Variants in ZCCHC14 observed in about 807,000 individuals in gnomAD.
The protein encoded by ZCCHC14 is zinc finger CCHC domain-containing protein 14.
A neutral mutation model predicts 85.0 loss-of-function variants in ZCCHC14; 16 were observed. That is an observed-to-expected ratio of 0.19 (90% confidence interval 0.13 to 0.29). The LOEUF (loss-of-function observed/expected upper bound fraction) is 0.29, where lower values mean the gene tolerates loss of function less well. Ranked by LOEUF, ZCCHC14 falls within the 10% of genes least tolerant of loss-of-function variation. The pLI is 1.00. For missense variants in ZCCHC14, 1,303 were observed against 1,443.5 expected, an observed-to-expected ratio of 0.90 and a Z score of 1.58; for synonymous variants, 775 against 630.7, an observed-to-expected ratio of 1.23 and a Z score of -3.43.
intron 3 of ZCCHC14, among the ~76,000 whole-genome samples, chr16:87,424,897 C>T (rs1186320446): frequency 6.6e-6 from 1 of 152,080 alleles, no homozygotes. Context: ...GATTTCAAGT[C>T]GGCAAATAAA....
At chr16:87,415,587 G>A (rs2150724206) in intron 8 of ZCCHC14, among the ~76,000 whole-genome samples, 1 of 152,334 alleles carries the variant, frequency 6.6e-6, no homozygotes, top group South Asian at 2.1e-4. Context: ...GAGCAAGAGT[G>A]TCCCCGGCTC....
In ZCCHC14 at chr16:87,420,557, G is replaced by A. The variant is rs1015258843; in HGVS notation, c.950+50C>T. On this transcript the variant is annotated intron_variant, in intron 5 of 12. Coordinates refer to ENST00000671377, the MANE Select transcript of ZCCHC14 (RefSeq NM_015144.3). This position sits in a 1 kb window ranked among gnomAD's most constrained non-coding sequence, Gnocchi z 5.0. Reference sequence around the variant, plus strand: ...GACCACAGCATTGACCACAGGACCAGCCTGTCCTTGCCAGCTGTGGACGCG... The same window carrying A: ...GACCACAGCATTGACCACAGGACCAACCTGTCCTTGCCAGCTGTGGACGCG... 9 of 1,478,966 alleles carry A rather than the reference G, an allele frequency of 6.1e-6. No individual in the cohort carries two copies. Among genetic ancestry groups the A allele is most frequent in the Non-Finnish European group, 8.3e-6 (9 of 1,078,676 alleles). The allele number at this position is 1,478,966 out of a possible 1,614,324, so 91.6% of individuals were successfully genotyped here.
intron 2 of ZCCHC14, among the ~76,000 whole-genome samples, chr16:87,449,138 T>C (rs1037090374): frequency 6.6e-6 from 1 of 152,154 alleles, no homozygotes; most frequent in Non-Finnish European, 1.5e-5. Flanking sequence ...CACACATCCG[T>C]GAGGAAGGCG....
chr16:87,441,366 T>C (rs1375895818), intron 2 of ZCCHC14, among the ~76,000 whole-genome samples: 1 of 152,262 alleles, frequency 6.6e-6, no homozygotes, highest in Non-Finnish European at 1.5e-5. Context: ...ATGCTTCATC[T>C]TTCCCGGTTT....
At chr16:87,469,905 C>T (rs887197853) in intron 1 of ZCCHC14, among the ~76,000 whole-genome samples, 19 of 152,302 alleles carry the variant, frequency 1.2e-4, no homozygotes, top group African/African-American at 4.3e-4. Flanking sequence ...CCTATCTTCT[C>T]AAGTAGAGAC....
intron 2 of ZCCHC14, among the ~76,000 whole-genome samples, chr16:87,443,826 C>T (rs1028647413): frequency 6.6e-6 from 1 of 152,044 alleles, no homozygotes; most frequent in Non-Finnish European, 1.5e-5. Context: ...CACTTGAGAC[C>T]AGGAGTTCAA....
At chr16:87,433,980 C>A (rs992449733) in intron 2 of ZCCHC14, among the ~76,000 whole-genome samples, 180 of 152,200 alleles carry the variant, frequency 1.2e-3, no homozygotes, top group Admixed American at 0.012. Context: ...TCCTTCTCTG[C>A]GAGGGCAAGG....
At chr16:87,490,742 T>C (rs887447314) in intron 1 of ZCCHC14, among the ~76,000 whole-genome samples, 5 of 152,224 alleles carry the variant, frequency 3.3e-5, no homozygotes, top group South Asian at 4.1e-4. Flanking sequence ...TTTCTGTCTG[T>C]TACAGGTAGC....
At chr16:87,438,063 C>T (rs1910014613) in intron 2 of ZCCHC14, among the ~76,000 whole-genome samples, 1 of 152,250 alleles carries the variant, frequency 6.6e-6, no homozygotes, top group Non-Finnish European at 1.5e-5. Context: ...CAGCCTGCCA[C>T]CTATGGAGAA....
chr16:87,451,262 T>C (rs940122464), intron 2 of ZCCHC14, among the ~76,000 whole-genome samples: 7 of 150,856 alleles, frequency 4.6e-5, no homozygotes. Context: ...AATGGCATGA[T>C]CCCAGCTCAC....
Position 87,409,471 on chromosome 16 carries a change from C to T in ZCCHC14, c.*809G>A, listed in dbSNP as rs1331580086. On this transcript the variant is annotated 3_prime_UTR_variant, in exon 13 of 13. Coordinates refer to ENST00000671377, the MANE Select transcript of ZCCHC14 (RefSeq NM_015144.3). The stretch of plus-strand genomic sequence containing the variant: ...CACTGACTGGCTGGGAAGAAAGATA[C>T]TCTCAAAGCTTTGACGACTATGGAT... The T allele has an allele frequency of 6.6e-6, 1 of 152,242 alleles. No individual in the cohort carries two copies. Among genetic ancestry groups the T allele is most frequent in the African/African-American group, 2.4e-5 (1 of 41,454 alleles). The allele number at this position is 152,242 out of a possible 1,614,324, so 9.4% of individuals were successfully genotyped here.
At chr16:87,435,067 T>C (rs1173295313) in intron 2 of ZCCHC14, among the ~76,000 whole-genome samples, 1 of 151,088 alleles carries the variant, frequency 6.6e-6, no homozygotes, top group East Asian at 1.9e-4. Flanking sequence ...ACTGTCAATG[T>C]ACATTAGGAT....
intron 2 of ZCCHC14, among the ~76,000 whole-genome samples, chr16:87,445,227 C>A (rs576421666): frequency 6.6e-6 from 1 of 152,002 alleles, no homozygotes; most frequent in Non-Finnish European, 1.5e-5. Flanking sequence ...CTACCACGCC[C>A]AGCTAATTTT....
chr16:87,448,437 C>T (rs2150749560), intron 2 of ZCCHC14, among the ~76,000 whole-genome samples: 1 of 152,324 alleles, frequency 6.6e-6, no homozygotes, highest in Non-Finnish European at 1.5e-5. Flanking sequence ...TCTCAGCACT[C>T]AGTCTGCCCT....
chr16:87,426,810 C>A (rs925705428), intron 3 of ZCCHC14, among the ~76,000 whole-genome samples: 5 of 152,188 alleles, frequency 3.3e-5, no homozygotes, highest in African/African-American at 1.2e-4. Context: ...TCTAAGAAAA[C>A]TAAAAAATTT....
chr16:87,443,880 T>A (rs764822057), intron 2 of ZCCHC14, among the ~76,000 whole-genome samples: 1 of 151,428 alleles, frequency 6.6e-6, no homozygotes, highest in Non-Finnish European at 1.5e-5. Flanking sequence ...CTACTAAAAA[T>A]ACAAAAATTA....
At position 87,410,209 on chromosome 16, in the gene ZCCHC14, C is replaced by T. The variant is rs1424396540; in HGVS notation, c.*71G>A. 1.5e-6 allele frequency: 1 copy of T among 657,610 alleles called. No individual in the cohort carries two copies. The highest frequency in any genetic ancestry group is 1.9e-5 in the African/African-American group (1 of 53,888). 40.7% of individuals were successfully genotyped at this position (657,610 alleles called of 1,614,324 possible). A position where few individuals can be genotyped will look rare whatever the true frequency, so the allele number is the denominator to read the frequency against. On this transcript the variant is annotated 3_prime_UTR_variant, in exon 13 of 13. Coordinates refer to ENST00000671377, the MANE Select transcript of ZCCHC14 (RefSeq NM_015144.3). ...AAGATTAAGCTCAACAGCAACTAGA[C>T]TTCTCAGTTTTGTATTTAATTTTCC...
Position 87,418,872 on chromosome 16 carries a change from C to A in ZCCHC14, c.1075G>T (p.Gly359Cys). The change falls in exon 7 of 13, where the codon GGT becomes TGT. Residue 359 changes from glycine (G) to cysteine (C), a missense_variant. This residue lies in a region of ZCCHC14 where 389 missense variants were observed against 397.8 expected (regional missense o/e 0.98). Transcript: ENST00000671377. ...CTTCCAGACACGCCCATCACGGTAC[C>A]TACTTTAGAAAGGGAGGGATTGCCA... ...SPGNPSLSKV[G>C]TVMGVSGRPV... 6.2e-7 allele frequency: 1 copy of A among 1,613,314 alleles called. No homozygotes were observed. Among genetic ancestry groups the A allele is most frequent in the Non-Finnish European group, 8.5e-7 (1 of 1,179,510 alleles).
chr16:87,412,403 G>T lies in ZCCHC14; in HGVS notation c.2318C>A (p.Pro773His). The change falls in exon 12 of 13, where the codon CCC becomes CAC. Residue 773 changes from proline (P) to histidine (H), a missense_variant. By Grantham distance (77) the Pro-to-His change is moderately conservative. This residue lies in a region of ZCCHC14 where 797 missense variants were observed against 730.8 expected (regional missense o/e 1.09). Coordinates refer to ENST00000671377, the MANE Select transcript of ZCCHC14 (RefSeq NM_015144.3). The part of the protein sequence containing the change: ...PSTVLHAARP[P>H]IKLLLSSSVP... ...AGATGACGACAGCAGCAGTTTGATG[G>T]GCGGACGGGCGGCGTGGAGGACTGT... is the stretch of plus-strand genomic sequence containing the variant. 6.2e-7 allele frequency: 1 copy of T among 1,614,196 alleles called. No homozygotes were observed. The highest frequency in any genetic ancestry group is 8.5e-7 in the Non-Finnish European group (1 of 1,180,042).
Sources: gnomAD v4.1 joint callset for allele counts (sites outside exome capture counted in the v4.1 genomes callset) on GRCh38, gnomAD v4.1.1 for gene constraint, gnomAD v4.1.1 regional missense constraint, Gnocchi (gnomAD v3.1) non-coding constraint, MANE v1.5 for transcripts, NCBI Gene and HGNC (gene_info 2026-07-23, HGNC 2026-07-21) for gene names.